Variants in IMPDH2 observed in about 807,000 individuals in gnomAD.
IMPDH2 encodes the protein inosine monophosphate dehydrogenase 2.
A neutral mutation model predicts 57.8 loss-of-function variants in IMPDH2; 33 were observed. The observed-to-expected ratio is 0.57, with a 90% confidence interval of 0.43 to 0.76. The LOEUF is 0.76. IMPDH2 is among the 30% of genes least tolerant of loss of function. The pLI is 0.00. For synonymous variants in IMPDH2, 270 were observed against 241.3 expected, an observed-to-expected ratio of 1.12 and a Z score of -1.10; for missense variants, 446 against 659.1, an observed-to-expected ratio of 0.68 and a Z score of 3.54.
chr3:49,024,731 A>T lies in IMPDH2; in HGVS notation c.1367T>A (p.Phe456Tyr). ...GATGCCAGCAATCAGGTAAGGGACA[A>T]ATTTGTGGATTGACCCTTTGTCCTG... ...AVQDKGSIHK[F>Y]VPYLIAGIQH... The change falls in exon 12 of 14, where the codon TTT becomes TAT. Residue 456 changes from phenylalanine to tyrosine, a missense_variant. Coordinates refer to ENST00000326739, the MANE Select transcript of IMPDH2 (RefSeq NM_000884.3). 6.2e-7 allele frequency: 1 copy of T among 1,614,118 alleles called. No homozygotes were observed. Among genetic ancestry groups the T allele is most frequent in the Non-Finnish European group, 8.5e-7 (1 of 1,180,022 alleles).
rs748863433 is a variant in IMPDH2, at chr3:49,024,494, C to T, written c.1523+1G>A. 3.7e-6 allele frequency: 6 copies of T among 1,614,048 alleles called. No individual in the cohort carries two copies. Among genetic ancestry groups the T allele is most frequent in the Middle Eastern group, 1.6e-4 (1 of 6,084 alleles). On this transcript the variant is annotated splice_donor_variant, in intron 13 of 13. Transcript: ENST00000326739. LOFTEE classifies it high-confidence loss of function. ...GCCCCACCAAGGACAGGGTGACTTA[C>T]GAATGGAGGCTATGGACGCCACCTT...
chr3:49,026,062 A>C (rs1015308171), intron 9 of IMPDH2: 1 of 583,234 alleles, frequency 1.7e-6, no homozygotes, highest in East Asian at 3.8e-5. Flanking sequence ...GGATCTTGGG[A>C]GCCACTAAAT....
chr3:49,026,481 T>TC, intron 8 of IMPDH2, 38 bp downstream of exon 8: 1 of 1,600,408 alleles, frequency 6.2e-7, no homozygotes, highest in Non-Finnish European at 8.6e-7. Context: ...GCTTACCCAC[T>TC]CCCACCACAC....
chr3:49,026,693 C>A lies in IMPDH2; in HGVS notation c.813G>T (p.Val271=), dbSNP rs149047226. Residue 271 remains valine (V), a synonymous_variant, in exon 7 of 14, where the codon GTG becomes GTT. Coordinates refer to ENST00000326739, the MANE Select transcript of IMPDH2 (RefSeq NM_000884.3). ...CACCTGTGTAGCAGCTCACCAAAAC[C>A]ACTACATCCACACCAGCCTGGGCGA... The part of the protein sequence containing the change: ...DLLAQAGVDV[V]VLDSSQGNSI... 3 of 1,614,038 alleles carry A rather than the reference C, an allele frequency of 1.9e-6. No homozygotes were observed. Among genetic ancestry groups the A allele is most frequent in the Admixed American group, 1.7e-5 (1 of 60,010 alleles).
chr3:49,027,128 G>A (rs2093203074), intron 5 of IMPDH2, 81 bp from the exon 6 acceptor site: 2 of 1,082,834 alleles, frequency 1.8e-6, no homozygotes, highest in Admixed American at 3.4e-5. Context: ...CCAAGTAGCT[G>A]AGCTCAGAGG....
Position 49,024,753 on chromosome 3 carries a change from C to G in IMPDH2, c.1345G>C (p.Asp449His). The G allele has an allele frequency of 6.2e-7, 1 of 1,614,188 alleles. No individual in the cohort carries two copies. Among genetic ancestry groups the G allele is most frequent in the Non-Finnish European group, 8.5e-7 (1 of 1,180,040 alleles). Reference sequence around the variant, plus strand: ...ACAAATTTGTGGATTGACCCTTTGTCCTGCACAGCACCAGACACTCCCTGG... The same window carrying G: ...ACAAATTTGTGGATTGACCCTTTGTGCTGCACAGCACCAGACACTCCCTGG... ...VAQGVSGAVQ[D>H]KGSIHKFVPY... Residue 449 changes from aspartate to histidine, a missense_variant, in exon 12 of 14, where the codon GAC becomes CAC. Transcript: ENST00000326739.
At chr3:49,025,579 C>T (rs1175092889) in intron 9 of IMPDH2, among the ~76,000 whole-genome samples, 3 of 152,180 alleles carry the variant, frequency 2.0e-5, no homozygotes, top group Admixed American at 6.5e-5. Flanking sequence ...CAGGAGTCAC[C>T]GTGCAGTTAG....
chr3:49,025,463 C>T (rs2093194276), intron 9 of IMPDH2, 194 bp from the exon 10 acceptor site: 1 of 620,848 alleles, frequency 1.6e-6, no homozygotes. Context: ...CTGACCTCTA[C>T]TCACCCCCAC....
Position 49,027,065 on chromosome 3 carries a change from T to C in IMPDH2, c.532-18A>G. The C allele has an allele frequency of 6.4e-7, 1 of 1,571,336 alleles. No homozygotes were observed. Among genetic ancestry groups the C allele is most frequent in the Non-Finnish European group, 8.8e-7 (1 of 1,141,022 alleles). On this transcript the variant is annotated intron_variant, in intron 5 of 13. Transcript: ENST00000326739. Reference sequence around the variant, plus strand: ...GTCATTATCTACGTGGGAGGTGAGATGTGAAGAAGGGCCAGTCATCGACTA... The same window carrying C: ...GTCATTATCTACGTGGGAGGTGAGACGTGAAGAAGGGCCAGTCATCGACTA...
rs1486298301 is a variant in IMPDH2 at position 49,025,179 on chromosome 3, C to G, written c.1097G>C (p.Gly366Ala). ...RFGVPVIADG[G>A]IQNVGHIAKA... ...CGCAATATGACCCACATTTTGGATT[C>G]CTCCATCAGCAATGACCGGAACACC... The change falls in exon 10 of 14, where the codon GGA becomes GCA. Residue 366 changes from glycine (G) to alanine (A), a missense_variant. Transcript: ENST00000326739. The G allele has an allele frequency of 6.2e-7, 1 of 1,614,136 alleles. No homozygotes were observed. The highest frequency in any genetic ancestry group is 8.5e-7 in the Non-Finnish European group (1 of 1,180,052).
chr3:49,028,461 G>A lies in IMPDH2; in HGVS notation c.219C>T (p.Val73=), dbSNP rs1468494694. The A allele has an allele frequency of 6.2e-7, 1 of 1,613,986 alleles. No individual in the cohort carries two copies. Among genetic ancestry groups the A allele is most frequent in the East Asian group, 2.2e-5 (1 of 44,898 alleles). ...TPLVSSPMDT[V]TEAGMAIAMA... ...TTGCTATGGCCATCCCAGCCTCTGT[G>A]ACTGTGTCCATGGGAGAGGAAACCA... The change falls in exon 3 of 14, where the codon GTC becomes GTT. Residue 73 remains valine, a synonymous_variant. Coordinates refer to ENST00000326739, the MANE Select transcript of IMPDH2 (RefSeq NM_000884.3).
At chr3:49,024,449 A>AGGCAT in intron 13 of IMPDH2, 45 bp from the exon 14 acceptor site, 1 of 1,614,112 alleles carries the variant, frequency 6.2e-7, no homozygotes, top group Non-Finnish European at 8.5e-7. Flanking sequence ...AGGAGAAAGG[A>AGGCAT]GGCATGAGGT....
chr3:49,027,997 C>A, intron 4 of IMPDH2, 81 bp from the exon 5 acceptor site: 1 of 1,120,350 alleles, frequency 8.9e-7, no homozygotes, highest in Non-Finnish European at 1.3e-6. Context: ...GGGGTCTCTG[C>A]TTATCGATCC....
At chr3:49,028,137 A>C (rs2093207407) in intron 4 of IMPDH2, 111 bp downstream of exon 4, 8 of 984,424 alleles carry the variant, frequency 8.1e-6, no homozygotes, top group Non-Finnish European at 1.3e-5. Flanking sequence ...CAGTAACTGA[A>C]CCCCATGGTG....
rs2093209625 is a variant in IMPDH2 at position 49,028,537 on chromosome 3, G to A, written c.148-5C>T. On this transcript the variant is annotated splice_region_variant and splice_polypyrimidine_tract_variant and intron_variant, in intron 2 of 13. Coordinates refer to ENST00000326739, the MANE Select transcript of IMPDH2 (RefSeq NM_000884.3). ...GGTCAGAGCAGAAGTCAGGTCCTGA[G>A]GAGACAAACGTCAACCAGTGTGGGA... The A allele has an allele frequency of 6.2e-7, 1 of 1,607,442 alleles. No homozygotes were observed.
intron 9 of IMPDH2, among the ~76,000 whole-genome samples, chr3:49,025,699 C>T (rs1328711447): frequency 6.6e-6 from 1 of 152,136 alleles, no homozygotes; most frequent in Admixed American, 6.5e-5. Context: ...TTGTGTGGAG[C>T]AGGCAGTGGT....
At chr3:49,026,071 A>G (rs2093197485) in intron 9 of IMPDH2, 2 of 604,098 alleles carry the variant, frequency 3.3e-6, no homozygotes, top group South Asian at 3.0e-5. Context: ...GAGCCACTAA[A>G]TAAAACAAAC....
At chr3:49,029,045 G>T in intron 1 of IMPDH2, 1 of 642,742 alleles carries the variant, frequency 1.6e-6, no homozygotes, top group Non-Finnish European at 2.8e-6. Context: ...TGGAATCTCC[G>T]GCCTGAGATT....
chr3:49,026,949 C>G lies in IMPDH2; in HGVS notation c.619+11G>C, dbSNP rs1415067770. 1 of 1,613,964 alleles carries G rather than the reference C, an allele frequency of 6.2e-7. No homozygotes were observed. Among genetic ancestry groups the G allele is most frequent in the Admixed American group, 1.7e-5 (1 of 60,026 alleles). Reference sequence around the variant, plus strand: ...ATTAGTTCCAGGCCCTTTCCCAGCTCTAGGACTTACCCTTCTTGCTGCGCT... The same window carrying G: ...ATTAGTTCCAGGCCCTTTCCCAGCTGTAGGACTTACCCTTCTTGCTGCGCT... On this transcript the variant is annotated intron_variant, in intron 6 of 13. Coordinates refer to ENST00000326739, the MANE Select transcript of IMPDH2 (RefSeq NM_000884.3).
Sources: allele counts gnomAD v4.1 joint callset (sites outside exome capture counted in the v4.1 genomes callset), GRCh38; gene constraint gnomAD v4.1.1; transcripts MANE v1.5; gene names NCBI Gene and HGNC (gene_info 2026-07-23, HGNC 2026-07-21).